TMPRSS9: variants seen among roughly 807,000 people sequenced by gnomAD.
TMPRSS9 encodes the protein transmembrane protease serine 9.
TMPRSS9 carries 113 observed loss-of-function variants against 111.4 expected under a neutral mutation model. That is an observed-to-expected ratio of 1.01 (90% CI 0.87 to 1.19). The LOEUF is 1.19. TMPRSS9 is among the 50% of genes most tolerant of loss of function. The probability of loss-of-function intolerance (pLI) is 0.00; values close to 1 mark genes in which losing one functional copy is unlikely to be tolerated. For missense variants in TMPRSS9, 1,803 were observed against 1,513.1 expected (o/e 1.19, Z -3.18); for synonymous variants, 805 against 659.1 (o/e 1.22, Z -3.39).
chr19:2,385,172 C>CGGGGGGGGGCGGGGCTCGCGG (rs1370531664), upstream of TMPRSS9, among the ~76,000 whole-genome samples: 1 of 11,142 alleles, frequency 9.0e-5, no homozygotes, highest in African/African-American at 3.1e-4. Context: ...GCGGGGCTCG[C>CGGGGGGGGGCGGGGCTCGCGG]GGGGGGCGGG....
At chr19:2,401,854 C>T (rs560645329) in intron 4 of TMPRSS9, 121 bp from the exon 6 acceptor site, 7 of 587,678 alleles carry the variant, frequency 1.2e-5, no homozygotes, top group African/African-American at 2.0e-5. Context: ...ATGATCCACC[C>T]GCCTCAGCCT....
chr19:2,379,724 T>TCTCTC (rs1568170929), intron 1 of TMPRSS9, among the ~76,000 whole-genome samples: 57 of 149,936 alleles, frequency 3.8e-4, no homozygotes, highest in African/African-American at 1.1e-3. Context: ...CTTCCTCTTT[T>TCTCTC]TCTCTTTCTC....
intron 6 of TMPRSS9, among the ~76,000 whole-genome samples, chr19:2,403,818 C>T (rs893844228): frequency 6.6e-6 from 1 of 151,856 alleles, no homozygotes; most frequent in Non-Finnish European, 1.5e-5. Flanking sequence ...ACGGTGAAAC[C>T]CCCTCTCTAC....
In TMPRSS9 at chr19:2,391,392, A is replaced by ATTTT. The variant is rs1159116597; in HGVS notation, c.142+1465_142+1466insTTTT. Among the ~76,000 whole-genome samples, 113 of 140,730 alleles carry ATTTT rather than the reference A, an allele frequency of 8.0e-4. 1 individual carries two copies. Among genetic ancestry groups the ATTTT allele is most frequent in the East Asian group, 1.2e-3 (6 of 4,876 alleles). The allele number at this position is 140,730 out of a possible 152,430, so 92.3% of individuals were successfully genotyped here. ...TTTTTTTCTTTTTTCTTTTTTTTAAAAAATATTTGTGGAACTTCTGGAAAC... is the reference window on the plus strand; with the variant it reads ...TTTTTTTCTTTTTTCTTTTTTTTAAATTTTAAATATTTGTGGAACTTCTGGAAAC... On this transcript the variant is annotated intron_variant, in intron 1 of 17. Coordinates refer to ENST00000648592, the Ensembl canonical transcript of TMPRSS9.
In TMPRSS9 at chr19:2,381,854, T is replaced by TCA. The variant is rs1970389379; in HGVS notation, c.-25-7907_-25-7906insCA. On this transcript the variant is annotated intron_variant, in intron 1 of 17. Coordinates refer to the TMPRSS9 transcript ENST00000649857. ...TTCATTCATTCATTCATTCATTCAT[T>TCA]TATTTTGAGACGGAGTCTCGCTCTG... Among the ~76,000 whole-genome samples the TCA allele has an allele frequency of 3.9e-5, 6 of 152,302 alleles. No homozygotes were observed. The South Asian group carries it at 1.2e-3, about 32-fold the overall frequency.
chr19:2,390,385 A>G (rs1970563899), intron 1 of TMPRSS9, among the ~76,000 whole-genome samples: 1 of 149,988 alleles, frequency 6.7e-6, no homozygotes, highest in African/African-American at 2.4e-5. Context: ...CTGGGACTAC[A>G]GGCGCCCGCC....
At chr19:2,399,462 C>T (rs1439090433) in intron 4 of TMPRSS9, among the ~76,000 whole-genome samples, 2 of 152,084 alleles carry the variant, frequency 1.3e-5, no homozygotes, top group South Asian at 4.1e-4. Context: ...TGTAATCCTA[C>T]CTACACAGGA....
intron 1 of TMPRSS9, among the ~76,000 whole-genome samples, chr19:2,368,773 A>ATTTTTTTTTTTTTTTTT (rs1970265819): frequency 1.7e-5 from 1 of 60,230 alleles, no homozygotes; most frequent in Admixed American, 1.9e-4. Flanking sequence ...GGATAAACCC[A>ATTTTTTTTTTTTTTTTT]GTTTTTTTTT....
chr19:2,381,018 T>C (rs1484084879), intron 1 of TMPRSS9, among the ~76,000 whole-genome samples: 2 of 152,046 alleles, frequency 1.3e-5, no homozygotes, highest in African/African-American at 4.8e-5. Flanking sequence ...GTACACAGAT[T>C]CAAAGTTTCT....
At chr19:2,360,848 T>G (rs1970189548) in intron 1 of TMPRSS9, among the ~76,000 whole-genome samples, 1 of 150,146 alleles carries the variant, frequency 6.7e-6, no homozygotes, top group South Asian at 2.1e-4. Context: ...TGTGTAGATG[T>G]GGCTGAGATT....
chr19:2,399,856 G>A (rs1217613582), intron 4 of TMPRSS9, among the ~76,000 whole-genome samples: 3 of 151,958 alleles, frequency 2.0e-5, no homozygotes, highest in Non-Finnish European at 4.4e-5. Context: ...ACTCACTCCC[G>A]AGTAGCTGGG....
intron 1 of TMPRSS9, among the ~76,000 whole-genome samples, chr19:2,364,192 GTGAA>G (rs146229451): frequency 2.6e-5 from 4 of 151,280 alleles, no homozygotes; most frequent in African/African-American, 4.9e-5. Context: ...AAATAAATAA[GTGAA>G]TGAATGAATG....
intron 1 of TMPRSS9, among the ~76,000 whole-genome samples, chr19:2,390,404 C>CG (rs1400153902): frequency 2.0e-5 from 3 of 150,142 alleles, no homozygotes; most frequent in African/African-American, 7.3e-5. Flanking sequence ...CCACCACCCC[C>CG]GGCTAATTTT....
exon 10 of TMPRSS9, chr19:2,413,776 T>C (rs754846337): frequency 8.1e-6 from 13 of 1,613,778 alleles, no homozygotes; most frequent in African/African-American, 1.3e-5. Flanking sequence ...AGCTGGGGAA[T>C]CGGGTGTGCG....
chr19:2,389,786 A>G (rs1407127743), exon 1 of TMPRSS9: 1 of 1,612,414 alleles, frequency 6.2e-7, no homozygotes, highest in Non-Finnish European at 8.5e-7. Flanking sequence ...TCTCTGAGCC[A>G]TGGAGCCCAC....
rs747396449 is a variant in TMPRSS9 at position 2,408,990 on chromosome 19, A to AAGTAATAAT, written c.1117+361_1117+362insGTAATAATA. Reference sequence around the variant, plus strand: ...GGTGACAGTGGGAGGCTCCATCTCAAAATAATAATAATAATAATAATAATA... The same window carrying AAGTAATAAT: ...GGTGACAGTGGGAGGCTCCATCTCAAAGTAATAATAATAATAATAATAATAATAATAATA... On this transcript the variant is annotated intron_variant, in intron 8 of 17. Transcript: ENST00000648592. Among the ~76,000 whole-genome samples, 23 of 124,992 alleles carry AAGTAATAAT rather than the reference A, an allele frequency of 1.8e-4. No homozygotes were observed. In the East Asian group the frequency reaches 4.2e-3, roughly 23 times the overall value. 82.0% of individuals were successfully genotyped at this position (124,992 alleles called of 152,430 possible).
chr19:2,424,126 G>T, exon 15 of TMPRSS9: 1 of 1,391,570 alleles, frequency 7.2e-7, no homozygotes, highest in East Asian at 2.9e-5. Flanking sequence ...CCAGGATTGT[G>T]GGCGGCAGCG....
Position 2,425,913 on chromosome 19 carries a change from T to A in TMPRSS9, c.3121-14T>A. ...GTACCGGCCTCTGAACCCCCTTTCT[T>A]CTCTCCCCAACAGGGTGACGCTGGG... On this transcript the variant is annotated splice_polypyrimidine_tract_variant and intron_variant, in intron 17 of 17. Transcript: ENST00000648592. The A allele has an allele frequency of 6.3e-7, 1 of 1,576,152 alleles. No individual in the cohort carries two copies. The highest frequency in any genetic ancestry group is 8.6e-7 in the Non-Finnish European group (1 of 1,167,370).
chr19:2,423,196 T>G (rs1475159127), intron 14 of TMPRSS9, among the ~76,000 whole-genome samples: 1 of 151,970 alleles, frequency 6.6e-6, no homozygotes, highest in Non-Finnish European at 1.5e-5. Context: ...TCTCACTTTC[T>G]CAGTCTCAGC....
Sources: allele counts gnomAD v4.1 joint callset (sites outside exome capture counted in the v4.1 genomes callset), GRCh38; gene constraint gnomAD v4.1.1; transcripts MANE v1.5; gene names NCBI Gene and HGNC (gene_info 2026-07-23, HGNC 2026-07-21).